TUBGCP4: variants seen among roughly 807,000 people sequenced by gnomAD.
TUBGCP4 encodes tubulin gamma complex component 4, also known as gamma-tubulin complex component 4.
A neutral mutation model predicts 91.6 loss-of-function variants in TUBGCP4; 54 were observed. The observed-to-expected ratio is 0.59, with a 90% CI of 0.47 to 0.74. TUBGCP4 has a LOEUF of 0.74. Ranked by LOEUF, TUBGCP4 falls within the 30% of genes least tolerant of loss-of-function variation. The pLI is 0.00. For missense variants in TUBGCP4, 593 were observed against 800.9 expected (o/e 0.74, Z 3.13); for synonymous variants, 297 against 302.8 (o/e 0.98, Z 0.20).
At chr15:43,379,532 T>A (rs1340879482) in intron 5 of TUBGCP4, among the ~76,000 whole-genome samples, 1 of 151,262 alleles carries the variant, frequency 6.6e-6, no homozygotes. Flanking sequence ...GTCGCACTAC[T>A]CGGGAGGCTG....
chr15:43,378,052 A>G (rs958784584), intron 5 of TUBGCP4, 149 bp downstream of exon 5: 1 of 609,858 alleles, frequency 1.6e-6, no homozygotes, highest in African/African-American at 1.9e-5. Flanking sequence ...TTATCATGTT[A>G]AGTGTCAGGA....
chr15:43,393,608 T>C (rs560653238), intron 9 of TUBGCP4, among the ~76,000 whole-genome samples: 145 of 151,768 alleles, frequency 9.6e-4, no homozygotes, highest in South Asian at 1.7e-3. Flanking sequence ...CCCCCCACCC[T>C]ACAACAGTCC....
chr15:43,387,106 A>G (rs544863989), intron 9 of TUBGCP4, among the ~76,000 whole-genome samples: 25 of 152,336 alleles, frequency 1.6e-4, no homozygotes, highest in African/African-American at 5.8e-4. Context: ...ATACACAATC[A>G]TCTTATGAGG....
At chr15:43,397,004 G>A (rs1477962810) in intron 11 of TUBGCP4, among the ~76,000 whole-genome samples, 2 of 152,206 alleles carry the variant, frequency 1.3e-5, no homozygotes, top group Non-Finnish European at 2.9e-5. Flanking sequence ...TATGTGAACT[G>A]TACTGAATAG....
chr15:43,374,279 C>T (rs987369288), intron 1 of TUBGCP4, among the ~76,000 whole-genome samples: 2 of 152,078 alleles, frequency 1.3e-5, no homozygotes, highest in Non-Finnish European at 2.9e-5. Flanking sequence ...TAAAATGGTA[C>T]AGCCATTGTG....
chr15:43,380,030 C>A, intron 5 of TUBGCP4, 54 bp from the exon 6 acceptor site: 1 of 1,547,284 alleles, frequency 6.5e-7, no homozygotes, highest in South Asian at 1.1e-5. Flanking sequence ...AAGAATGTGT[C>A]TTGCATGGAC....
chr15:43,401,611 A>T (rs998323025), intron 14 of TUBGCP4, 105 bp from the exon 15 acceptor site: 2 of 1,201,574 alleles, frequency 1.7e-6, no homozygotes, highest in African/African-American at 3.0e-5. Context: ...GTTAGAAGGA[A>T]GATGAGTGGA....
intron 9 of TUBGCP4, among the ~76,000 whole-genome samples, chr15:43,390,390 C>T (rs924498985): frequency 2.0e-5 from 3 of 151,906 alleles, no homozygotes; most frequent in Non-Finnish European, 2.9e-5. Context: ...TTACCTATTT[C>T]ATCTAGATTT....
At chr15:43,381,552 C>T (rs891426220) in intron 6 of TUBGCP4, among the ~76,000 whole-genome samples, 5 of 152,080 alleles carry the variant, frequency 3.3e-5, no homozygotes, top group African/African-American at 1.2e-4. Context: ...GCCTGGGCAA[C>T]ATAGCGAGAC....
intron 9 of TUBGCP4, among the ~76,000 whole-genome samples, chr15:43,392,276 C>T (rs556030892): frequency 6.6e-6 from 1 of 151,640 alleles, no homozygotes; most frequent in African/African-American, 2.4e-5. Flanking sequence ...TAAAACTTTA[C>T]ATATTGTTTT....
intron 11 of TUBGCP4, 127 bp from the exon 12 acceptor site, chr15:43,397,087 T>C (rs2044593606): frequency 2.8e-6 from 2 of 713,514 alleles, no homozygotes; most frequent in South Asian, 3.2e-5. Context: ...GTTAGACAAA[T>C]GAAACAGATG....
At chr15:43,393,575 T>A (rs948866675) in intron 9 of TUBGCP4, among the ~76,000 whole-genome samples, 4 of 152,080 alleles carry the variant, frequency 2.6e-5, no homozygotes, top group Non-Finnish European at 5.9e-5. Flanking sequence ...TAGGTATATC[T>A]CCTAATGCTA....
At chr15:43,395,030 G>T in intron 9 of TUBGCP4, 77 bp from the exon 10 acceptor site, 2 of 1,502,450 alleles carry the variant, frequency 1.3e-6, no homozygotes, top group Non-Finnish European at 1.9e-6. Context: ...TACATTGCTG[G>T]ATTTGTATGG....
chr15:43,375,150 G>A (rs1481732219), intron 1 of TUBGCP4, among the ~76,000 whole-genome samples: 1 of 152,214 alleles, frequency 6.6e-6, no homozygotes, highest in Non-Finnish European at 1.5e-5. Context: ...TGATCCACCT[G>A]CCTCGGCCTC....
chr15:43,397,341 C>T lies in TUBGCP4; in HGVS notation c.1279+20C>T. ...ACAAAGGTTTGCCATTCCTCCCTGC[C>T]ACCTTAGAGTTCCTGCTGGTCATCA... On this transcript the variant is annotated intron_variant, in intron 12 of 17. Coordinates refer to ENST00000564079, the MANE Select transcript of TUBGCP4 (RefSeq NM_014444.5). 6.5e-7 allele frequency: 1 copy of T among 1,548,532 alleles called. No homozygotes were observed. The highest frequency in any genetic ancestry group is 8.9e-7 in the Non-Finnish European group (1 of 1,120,002).
chr15:43,396,710 C>G (rs980813023), intron 11 of TUBGCP4, among the ~76,000 whole-genome samples: 1 of 152,148 alleles, frequency 6.6e-6, no homozygotes, highest in Non-Finnish European at 1.5e-5. Context: ...AGGACTTGGT[C>G]TCTTTCCATC....
chr15:43,395,919 G>C (rs1345860900), intron 11 of TUBGCP4, among the ~76,000 whole-genome samples: 2 of 152,056 alleles, frequency 1.3e-5, no homozygotes, highest in African/African-American at 2.4e-5. Context: ...CTTCAAACCA[G>C]GTATTTTTTC....
chr15:43,384,270 G>T (rs1053348477), intron 7 of TUBGCP4, among the ~76,000 whole-genome samples: 6 of 152,210 alleles, frequency 3.9e-5, no homozygotes, highest in African/African-American at 1.4e-4. Flanking sequence ...AAGTAGTAGT[G>T]TCTGTCCCTA....
chr15:43,395,098 T>C lies in TUBGCP4; in HGVS notation c.1015-9T>C. On this transcript the variant is annotated splice_polypyrimidine_tract_variant and intron_variant, in intron 9 of 17. Coordinates refer to ENST00000564079, the MANE Select transcript of TUBGCP4 (RefSeq NM_014444.5). ...AAATTTGTCCCTGTTTTGTTGGTTGTTTTCATAGCATCTCTGGAAGTTGAT... is the reference window on the plus strand; with the variant it reads ...AAATTTGTCCCTGTTTTGTTGGTTGCTTTCATAGCATCTCTGGAAGTTGAT... 1 of 1,614,168 alleles carries C rather than the reference T, an allele frequency of 6.2e-7. No individual in the cohort carries two copies. The highest frequency in any genetic ancestry group is 1.1e-5 in the South Asian group (1 of 91,080).
Sources: allele counts gnomAD v4.1 joint callset (sites outside exome capture counted in the v4.1 genomes callset), GRCh38; gene constraint gnomAD v4.1.1; transcripts MANE v1.5; gene names NCBI Gene and HGNC (gene_info 2026-07-23, HGNC 2026-07-21).